AGTPBP1: variants seen among roughly 807,000 people sequenced by gnomAD.
AGTPBP1 encodes the protein ATP/GTP binding carboxypeptidase 1.
Under a neutral mutation model 143.9 loss-of-function variants are expected in AGTPBP1, and 70 were observed. The observed-to-expected ratio is 0.49, with a 90% CI of 0.40 to 0.59. AGTPBP1 has a LOEUF of 0.59. AGTPBP1 is among the 20% of genes least tolerant of loss of function. The pLI is 0.00. For synonymous variants in AGTPBP1, 463 were observed against 500.2 expected (o/e 0.93, Z 0.99); for missense variants, 1,229 against 1,464.5 (o/e 0.84, Z 2.62).
chr9:85,719,006 C>CT (rs1837919275), intron 1 of AGTPBP1, among the ~76,000 whole-genome samples: 1 of 152,144 alleles, frequency 6.6e-6, no homozygotes, highest in African/African-American at 2.4e-5. Context: ...TCTGAGGCCT[C>CT]TGTTCTGTTC....
intron 1 of AGTPBP1, among the ~76,000 whole-genome samples, chr9:85,736,874 A>G (rs1379798639): frequency 6.6e-6 from 1 of 152,252 alleles, no homozygotes; most frequent in Non-Finnish European, 1.5e-5. Flanking sequence ...TGGGAGGCGG[A>G]CACAGGCGGA....
intron 2 of AGTPBP1, among the ~76,000 whole-genome samples, chr9:85,705,108 G>A (rs911991137): frequency 4.0e-5 from 6 of 151,352 alleles, no homozygotes; most frequent in African/African-American, 1.5e-4. Flanking sequence ...TGAAGGACAA[G>A]AGAGAGAGAA....
chr9:85,575,548 A>G, intron 24 of AGTPBP1, 73 bp from the exon 25 acceptor site: 1 of 1,251,168 alleles, frequency 8.0e-7, no homozygotes, highest in Admixed American at 2.8e-5. Flanking sequence ...ATGAAATTAT[A>G]TAAAAAGAAT....
At chr9:85,700,839 T>C (rs1330069951) in intron 2 of AGTPBP1, among the ~76,000 whole-genome samples, 2 of 152,348 alleles carry the variant, frequency 1.3e-5, no homozygotes, top group African/African-American at 2.4e-5. Flanking sequence ...TATTTAGCCA[T>C]TGTATTCTGA....
chr9:85,594,443 C>A (rs1288796590), intron 18 of AGTPBP1, among the ~76,000 whole-genome samples: 1 of 152,020 alleles, frequency 6.6e-6, no homozygotes, highest in Non-Finnish European at 1.5e-5. Flanking sequence ...ACAAAATTAG[C>A]CGGTTCACAA....
At chr9:85,667,997 G>A (rs937118818) in intron 8 of AGTPBP1, among the ~76,000 whole-genome samples, 4 of 151,386 alleles carry the variant, frequency 2.6e-5, no homozygotes, top group Admixed American at 2.6e-4. Context: ...GACAACTGCG[G>A]TAACACTAAA....
the AGTPBP1 span, among the ~76,000 whole-genome samples, chr9:85,777,038 A>G: frequency 6.6e-6 from 1 of 152,204 alleles, no homozygotes; most frequent in South Asian, 2.1e-4. Context: ...TCAAAAGGCC[A>G]TTCCACCGTT....
At chr9:85,790,189 T>G in the AGTPBP1 span, among the ~76,000 whole-genome samples, 1 of 152,200 alleles carries the variant, frequency 6.6e-6, no homozygotes, top group Admixed American at 6.5e-5. Flanking sequence ...GTGAGATCCA[T>G]TTGCAATAAG....
intron 13 of AGTPBP1, among the ~76,000 whole-genome samples, chr9:85,639,179 C>A (rs2133786896): frequency 6.6e-6 from 1 of 151,632 alleles, no homozygotes; most frequent in Admixed American, 6.6e-5. Flanking sequence ...TTTTAGAAAG[C>A]CAATTTTAAA....
intron 25 of AGTPBP1, among the ~76,000 whole-genome samples, chr9:85,550,367 C>T (rs985265622): frequency 6.6e-6 from 1 of 152,182 alleles, no homozygotes; most frequent in African/African-American, 2.4e-5. Flanking sequence ...TTTTTACTAG[C>T]TCTCTCCACT....
At chr9:85,732,317 C>T (rs1258964486) in intron 1 of AGTPBP1, among the ~76,000 whole-genome samples, 4 of 150,584 alleles carry the variant, frequency 2.7e-5, no homozygotes, top group Non-Finnish European at 4.4e-5. Flanking sequence ...TGGGTTCCGG[C>T]CATTCTCCTG....
intron 15 of AGTPBP1, among the ~76,000 whole-genome samples, chr9:85,620,418 T>G (rs1186417826): frequency 8.6e-6 from 1 of 116,090 alleles, no homozygotes; most frequent in Non-Finnish European, 1.7e-5. Flanking sequence ...TGGGACTTCA[T>G]CTAAAAAAAA....
chr9:85,606,103 G>A (rs940630862), intron 17 of AGTPBP1, among the ~76,000 whole-genome samples: 1 of 151,914 alleles, frequency 6.6e-6, no homozygotes, highest in Non-Finnish European at 1.5e-5. Flanking sequence ...AATCAACAGG[G>A]TGAAGAAACA....
intron 25 of AGTPBP1, among the ~76,000 whole-genome samples, chr9:85,562,087 C>T (rs1826771994): frequency 6.6e-6 from 1 of 151,868 alleles, no homozygotes; most frequent in Non-Finnish European, 1.5e-5. Flanking sequence ...ACCTTGGCCT[C>T]CCAAAAATAC....
chr9:85,692,687 A>G lies in AGTPBP1; in HGVS notation c.157+2T>C. On this transcript the variant is annotated splice_donor_variant, in intron 3 of 25. Transcript: ENST00000357081. LOFTEE classifies it high-confidence loss of function. ...AAAAACAAAGAAGAGATCAATGTTT[A>G]CCTTGACTCTGAGCCAGATGAAGAA... 6.2e-7 allele frequency: 1 copy of G among 1,613,166 alleles called. No homozygotes were observed.
chr9:85,804,871 T>C, the AGTPBP1 span, among the ~76,000 whole-genome samples: 79 of 152,274 alleles, frequency 5.2e-4, no homozygotes, highest in Non-Finnish European at 1.0e-3. Flanking sequence ...CCTACTTCAT[T>C]GCCTGGAGGT....
At chr9:85,779,359 T>C in the AGTPBP1 span, among the ~76,000 whole-genome samples, 1 of 152,020 alleles carries the variant, frequency 6.6e-6, no homozygotes, top group Non-Finnish European at 1.5e-5. Context: ...GTAGGCTGTC[T>C]ACAAGCTTGA....
At chr9:85,660,839 T>C in intron 9 of AGTPBP1, 97 bp downstream of exon 9, 1 of 970,436 alleles carries the variant, frequency 1.0e-6, no homozygotes, top group South Asian at 1.7e-5. Flanking sequence ...ACCAGCTTTA[T>C]AACTATAGTC....
chr9:85,714,765 T>C (rs1392452446), intron 1 of AGTPBP1, among the ~76,000 whole-genome samples: 1 of 152,206 alleles, frequency 6.6e-6, no homozygotes, highest in Non-Finnish European at 1.5e-5. Flanking sequence ...GCATTTTAAC[T>C]TGAAAGTGAT....
Sources: allele counts gnomAD v4.1 joint callset (sites outside exome capture counted in the v4.1 genomes callset), GRCh38; gene constraint gnomAD v4.1.1; transcripts MANE v1.5; gene names NCBI Gene and HGNC (gene_info 2026-07-23, HGNC 2026-07-21).